Variants in GULP1 observed in about 807,000 individuals in gnomAD.
GULP1 encodes PTB domain-containing engulfment adapter protein 1.
GULP1 carries 19 observed loss-of-function variants against 40.9 expected under a neutral mutation model. The ratio of observed to expected loss-of-function variants is 0.46; its 90% confidence interval spans 0.32 to 0.68. The LOEUF (loss-of-function observed/expected upper bound fraction) is 0.68, where lower values mean the gene tolerates loss of function less well. GULP1 is among the 30% of genes least tolerant of loss of function. The pLI, the probability that GULP1 is intolerant of heterozygous loss-of-function variation, is 0.03. For missense variants in GULP1, 312 were observed against 362.2 expected, an observed-to-expected ratio of 0.86 and a Z score of 1.12; for synonymous variants, 119 against 117.6, an observed-to-expected ratio of 1.01 and a Z score of -0.08.
intron 2 of GULP1, among the ~76,000 whole-genome samples, chr2:188,395,620 G>A (rs1303390869): frequency 6.6e-6 from 1 of 152,180 alleles, no homozygotes; most frequent in African/African-American, 2.4e-5. Context: ...TGGGATTCAA[G>A]TTCTGCCATC....
At chr2:188,360,345 CTA>C (rs1354545207) in intron 1 of GULP1, among the ~76,000 whole-genome samples, 3 of 152,080 alleles carry the variant, frequency 2.0e-5, no homozygotes, top group Non-Finnish European at 4.4e-5. Flanking sequence ...CAAAAAATCT[CTA>C]TTATGCACCA....
At chr2:188,376,353 A>T (rs944192521) in intron 1 of GULP1, among the ~76,000 whole-genome samples, 1 of 152,222 alleles carries the variant, frequency 6.6e-6, no homozygotes, top group African/African-American at 2.4e-5. Context: ...TTAACGTAAG[A>T]TTTAGCAATT....
At chr2:188,342,434 C>T (rs1036006305) in intron 1 of GULP1, among the ~76,000 whole-genome samples, 1 of 152,184 alleles carries the variant, frequency 6.6e-6, no homozygotes, top group East Asian at 1.9e-4. Context: ...GGATTTAGGG[C>T]CTACCCTAAA....
rs1576342705 is a variant in GULP1 at position 188,591,815 on chromosome 2, T to G, written c.844-2125T>G. The G allele has an allele frequency of 2.0e-5, 3 of 151,972 alleles. No individual in the cohort carries two copies. In the East Asian group the frequency reaches 5.8e-4, roughly 29 times the overall value. The allele number at this position is 151,972 out of a possible 1,614,324, so 9.4% of individuals were successfully genotyped here. A position where few individuals can be genotyped will look rare whatever the true frequency, so the allele number is the denominator to read the frequency against. On this transcript the variant is annotated intron_variant, in intron 11 of 11. Coordinates refer to ENST00000409830, the MANE Select transcript of GULP1 (RefSeq NM_016315.4). Reference sequence around the variant, plus strand: ...TTCTTTCCTTGATATGCTTTTCTATTTCAAAATAAGAAAATTCATCAAAAT... The same window carrying G: ...TTCTTTCCTTGATATGCTTTTCTATGTCAAAATAAGAAAATTCATCAAAAT...
chr2:188,516,133 C>T (rs113342768), intron 4 of GULP1, among the ~76,000 whole-genome samples: 3 of 152,136 alleles, frequency 2.0e-5, no homozygotes, highest in Non-Finnish European at 4.4e-5. Flanking sequence ...GACATATCTG[C>T]CCTGTTTCCT....
At chr2:188,374,152 T>G (rs1196183364) in intron 1 of GULP1, among the ~76,000 whole-genome samples, 1 of 152,086 alleles carries the variant, frequency 6.6e-6, no homozygotes, top group African/African-American at 2.4e-5. Context: ...CTTCTAACAA[T>G]AACAAATGTC....
At position 188,483,476 on chromosome 2, in the gene GULP1, T is replaced by C. The variant is rs762560085; in HGVS notation, c.74T>C (p.Ile25Thr). Residue 25 changes from isoleucine (I) to threonine (T), a missense_variant, in exon 4 of 12, where the codon ATT becomes ACT. Ile to Thr is a moderately conservative substitution (Grantham distance 89). Coordinates refer to ENST00000409830, the MANE Select transcript of GULP1 (RefSeq NM_016315.4). Reference protein sequence around the residue: ...HTPEALSKHFIPYNAKFLGST... With the variant: ...HTPEALSKHFTPYNAKFLGST... ...CCTGAAGCTTTATCAAAACATTTCATTCCCTATAATGCAAAGGTAAAAATA... is the reference window on the plus strand; with the variant it reads ...CCTGAAGCTTTATCAAAACATTTCACTCCCTATAATGCAAAGGTAAAAATA... 2 of 1,470,984 alleles carry C rather than the reference T, an allele frequency of 1.4e-6. No individual in the cohort carries two copies. Among genetic ancestry groups the C allele is most frequent in the Non-Finnish European group, 1.9e-6 (2 of 1,058,642 alleles). 91.1% of individuals were successfully genotyped at this position (1,470,984 alleles called of 1,614,324 possible).
At chr2:188,421,658 A>C (rs1018691846) in intron 2 of GULP1, among the ~76,000 whole-genome samples, 2 of 152,186 alleles carry the variant, frequency 1.3e-5, no homozygotes, top group African/African-American at 2.4e-5. Flanking sequence ...TAACATGCAT[A>C]TATGAAGAAT....
At position 188,439,586 on chromosome 2, in the gene GULP1, G is replaced by GGT. The variant is rs779919731; in HGVS notation, c.-44-38062_-44-38061dup. On this transcript the variant is annotated intron_variant, in intron 2 of 11. Transcript: ENST00000409830. ...TGTACACATATACACACATGCTACT[G>GGT]GTGTGTGTGTGTATGCGTATTTGTT... 4.6e-5 allele frequency among the ~76,000 whole-genome samples: 7 copies of GGT among 151,904 alleles called. No individual in the cohort carries two copies. The East Asian group carries it at 1.2e-3, about 25-fold the overall frequency.
intron 4 of GULP1, among the ~76,000 whole-genome samples, chr2:188,501,740 C>T (rs546239059): frequency 1.7e-4 from 26 of 152,046 alleles, no homozygotes; most frequent in Non-Finnish European, 3.1e-4. Context: ...TATAGAACTA[C>T]ACAGCGTCTT....
At chr2:188,522,880 C>T (rs1032233667) in intron 5 of GULP1, 53 bp downstream of exon 5, 5 of 1,120,982 alleles carry the variant, frequency 4.5e-6, no homozygotes, top group South Asian at 1.2e-5. Flanking sequence ...GTCATGTTTT[C>T]AGCAGATTGA....
At chr2:188,551,035 T>TGTAAACTA (rs1443057889) in intron 7 of GULP1, among the ~76,000 whole-genome samples, 1 of 151,604 alleles carries the variant, frequency 6.6e-6, no homozygotes, top group Non-Finnish European at 1.5e-5. Context: ...AGTGACCAGC[T>TGTAAACTA]GTAAACTAGA....
At chr2:188,569,417 T>C in intron 8 of GULP1, 62 bp downstream of exon 8, 1 of 867,992 alleles carries the variant, frequency 1.2e-6, no homozygotes, top group Non-Finnish European at 2.0e-6. Flanking sequence ...AACTTGCATA[T>C]CGTCAAACAA....
intron 9 of GULP1, among the ~76,000 whole-genome samples, chr2:188,580,771 C>T (rs1701154556): frequency 1.3e-5 from 2 of 152,118 alleles, no homozygotes; most frequent in Non-Finnish European, 2.9e-5. Flanking sequence ...GGACATACCT[C>T]AGACTTGTTG....
At chr2:188,359,253 T>A (rs1002850006) in intron 1 of GULP1, among the ~76,000 whole-genome samples, 2 of 152,094 alleles carry the variant, frequency 1.3e-5, no homozygotes, top group Non-Finnish European at 2.9e-5. Context: ...GAGTTATACT[T>A]ATATGCCATG....
chr2:188,383,447 G>A (rs916563853), intron 1 of GULP1, among the ~76,000 whole-genome samples: 7 of 152,134 alleles, frequency 4.6e-5, no homozygotes, highest in African/African-American at 1.7e-4. Flanking sequence ...GATAGTTGGG[G>A]CTACTTCTTG....
rs186445764 is a variant in GULP1 at position 188,542,979 on chromosome 2, G to A, written c.399+1661G>A. 1.4e-3 allele frequency among the ~76,000 whole-genome samples: 213 copies of A among 151,926 alleles called. 1 individual carries two copies. The highest frequency in any genetic ancestry group is 1.9e-3 in the Non-Finnish European group (127 of 67,954). ...GAGTCAGAGTTCATTCTAAATATTG[G>A]CCTTCTTATAGATTTGTGCCATTTG... On this transcript the variant is annotated intron_variant, in intron 7 of 11. Transcript: ENST00000409830.
In GULP1 at chr2:188,309,775, G is replaced by A. The variant is rs1411584937; in HGVS notation, c.-172+17609G>A. On this transcript the variant is annotated intron_variant, in intron 1 of 11. Transcript: ENST00000409830. ...TAAATACGGGAGAGCCAATAATTGT[G>A]TGCTAAGTGGATGAAGGCTGCTGGG... is the stretch of plus-strand genomic sequence containing the variant. Among the ~76,000 whole-genome samples, 3 of 152,178 alleles carry A rather than the reference G, an allele frequency of 2.0e-5. No homozygotes were observed. In the South Asian group the frequency reaches 6.2e-4, roughly 31 times the overall value.
At chr2:188,515,610 C>G (rs2065087847) in intron 4 of GULP1, among the ~76,000 whole-genome samples, 2 of 152,056 alleles carry the variant, frequency 1.3e-5, no homozygotes, top group Admixed American at 6.6e-5. Context: ...ATTACCCACA[C>G]TCTGCCCAGT....
Sources: gnomAD v4.1 joint callset for allele counts (sites outside exome capture counted in the v4.1 genomes callset) on GRCh38, gnomAD v4.1.1 for gene constraint, MANE v1.5 for transcripts, NCBI Gene and HGNC (gene_info 2026-07-23, HGNC 2026-07-21) for gene names.